Variants in NTAQ1 observed in about 807,000 individuals in gnomAD.
NTAQ1 encodes N-terminal glutamine amidase 1, also known as protein N-terminal glutamine amidohydrolase.
NTAQ1 carries 21 observed loss-of-function variants against 28.2 expected under a neutral mutation model. The observed-to-expected ratio is 0.74, with a 90% CI of 0.53 to 1.07. The LOEUF (loss-of-function observed/expected upper bound fraction) is 1.07, where lower values mean the gene tolerates loss of function less well. Among genes scored for constraint, NTAQ1 ranks in the 50% least tolerant of loss-of-function variants. The pLI, the probability that NTAQ1 is intolerant of heterozygous loss-of-function variation, is 0.00. For synonymous variants in NTAQ1, 105 were observed against 90.0 expected, an observed-to-expected ratio of 1.17 and a Z score of -0.94; for missense variants, 264 against 256.6, an observed-to-expected ratio of 1.03 and a Z score of -0.20.
intron 1 of NTAQ1, among the ~76,000 whole-genome samples, chr8:123,420,590 CT>C (rs71310676): frequency 0.049 from 4,995 of 101,924 alleles, 197 homozygotes; most frequent in African/African-American, 0.17. Context: ...TATTTTTTGC[CT>C]TTTTTTTTTT....
At chr8:123,450,893 A>C (rs58673439), downstream of NTAQ1, among the ~76,000 whole-genome samples, 7,530 of 152,132 alleles carry the variant, frequency 0.049, 609 homozygotes, top group African/African-American at 0.17. Context: ...AAACCAGACT[A>C]TCTCATTCCC....
At chr8:123,422,042 C>T (rs1813731797) in intron 1 of NTAQ1, among the ~76,000 whole-genome samples, 2 of 152,030 alleles carry the variant, frequency 1.3e-5, no homozygotes, top group African/African-American at 4.8e-5. Context: ...TCTTGAACTC[C>T]TGACCTCAAG....
intron 6 of NTAQ1, among the ~76,000 whole-genome samples, chr8:123,447,535 CA>C (rs1815335979): frequency 1.3e-5 from 2 of 152,018 alleles, no homozygotes; most frequent in African/African-American, 4.8e-5. Context: ...CCCTATTTTA[CA>C]GATGAGGAAA....
intron 5 of NTAQ1, chr8:123,438,126 G>A: frequency 1.4e-6 from 1 of 700,758 alleles, no homozygotes; most frequent in Non-Finnish European, 2.6e-6. Flanking sequence ...TCATTTATGT[G>A]CTTTTAGGCA....
chr8:123,456,650 A>G (rs1178084190), intron 6 of NTAQ1, among the ~76,000 whole-genome samples: 1 of 152,200 alleles, frequency 6.6e-6, no homozygotes, highest in African/African-American at 2.4e-5. Flanking sequence ...AGAGATAGTT[A>G]TGCTTTATAT....
Position 123,441,605 on chromosome 8 carries a change from A to T in NTAQ1, c.*190A>T. 1 of 606,542 alleles carries T rather than the reference A, an allele frequency of 1.6e-6. No individual in the cohort carries two copies. The highest frequency in any genetic ancestry group is 2.9e-6 in the Non-Finnish European group (1 of 343,574). 37.6% of individuals were successfully genotyped at this position (606,542 alleles called of 1,614,324 possible). ...ATAAAAACTTTTGTTTTGACATGTC[A>T]AATTGAAACTTGATAAAGTGCGTAC... On this transcript the variant is annotated 3_prime_UTR_variant, in exon 6 of 6. Transcript: ENST00000287387.
At chr8:123,419,738 C>CT (rs1813550465) in intron 1 of NTAQ1, among the ~76,000 whole-genome samples, 1 of 60,154 alleles carries the variant, frequency 1.7e-5, no homozygotes, top group Non-Finnish European at 3.4e-5. Flanking sequence ...CCACAGCCCT[C>CT]CCTCCCTCCC....
At chr8:123,422,918 G>T (rs936733891) in intron 1 of NTAQ1, among the ~76,000 whole-genome samples, 4 of 152,102 alleles carry the variant, frequency 2.6e-5, no homozygotes, top group Admixed American at 2.6e-4. Context: ...CCCATTGCTT[G>T]TTATTGGACT....
intron 1 of NTAQ1, among the ~76,000 whole-genome samples, chr8:123,427,247 C>CTTTTTTTTT (rs33920843): frequency 1.1e-4 from 9 of 81,598 alleles, no homozygotes; most frequent in East Asian, 8.8e-4. Context: ...ATGGTCAAAG[C>CTTTTTTTTT]TTTTTTTTTT....
chr8:123,427,546 G>A (rs1001011142), intron 1 of NTAQ1, among the ~76,000 whole-genome samples: 12 of 152,146 alleles, frequency 7.9e-5, no homozygotes, highest in African/African-American at 2.9e-4. Context: ...GGGATTACTG[G>A]CCTGAGCCAC....
chr8:123,440,322 G>A (rs971543870), intron 5 of NTAQ1, among the ~76,000 whole-genome samples: 1 of 151,036 alleles, frequency 6.6e-6, no homozygotes, highest in African/African-American at 2.4e-5. Flanking sequence ...CACCTGGCTA[G>A]TTTTTGTATT....
At chr8:123,468,745 A>C (rs1816010192) in exon 7 of NTAQ1, among the ~76,000 whole-genome samples, 1 of 152,208 alleles carries the variant, frequency 6.6e-6, no homozygotes, top group African/African-American at 2.4e-5. Flanking sequence ...CTGGTCATAT[A>C]GTTGCTGGTA....
chr8:123,438,342 A>G lies in NTAQ1; in HGVS notation c.508+1008A>G, dbSNP rs1291147764. ...TGTGAGCTCTGCAGCATGTCAGAAAAATAGGGCAGTAGTGTTAGTACTTCA... is the reference window on the plus strand; with the variant it reads ...TGTGAGCTCTGCAGCATGTCAGAAAGATAGGGCAGTAGTGTTAGTACTTCA... On this transcript the variant is annotated intron_variant, in intron 5 of 5. Transcript: ENST00000287387. 5 of 590,186 alleles carry G rather than the reference A, an allele frequency of 8.5e-6. No homozygotes were observed. In the Admixed American group the frequency reaches 1.4e-4, roughly 16 times the overall value. 36.6% of individuals were successfully genotyped at this position (590,186 alleles called of 1,614,324 possible).
At chr8:123,448,896 A>G (rs1373489995), downstream of NTAQ1, among the ~76,000 whole-genome samples, 11 of 152,196 alleles carry the variant, frequency 7.2e-5, 1 homozygote. Context: ...AGAGAAAAAC[A>G]TGAACAGGTC....
At chr8:123,449,957 A>G (rs1188970159), downstream of NTAQ1, among the ~76,000 whole-genome samples, 11 of 45,384 alleles carry the variant, frequency 2.4e-4, 4 homozygotes, top group African/African-American at 8.6e-4. Flanking sequence ...GTGCATATAT[A>G]TATATATATA....
intron 1 of NTAQ1, among the ~76,000 whole-genome samples, chr8:123,424,220 G>T (rs1408057996): frequency 2.0e-5 from 3 of 150,652 alleles, no homozygotes; most frequent in Non-Finnish European, 4.4e-5. Flanking sequence ...TTACAGGTTT[G>T]TGCCACCACG....
intron 1 of NTAQ1, among the ~76,000 whole-genome samples, chr8:123,423,475 TA>T (rs760984206): frequency 2.0e-5 from 3 of 151,498 alleles, no homozygotes; most frequent in Non-Finnish European, 4.4e-5. Flanking sequence ...AGGGTCTTGC[TA>T]CATTGCCTAG....
exon 7 of NTAQ1, among the ~76,000 whole-genome samples, chr8:123,468,851 TTA>T (rs1297384173): frequency 1.3e-5 from 2 of 152,202 alleles, no homozygotes; most frequent in Non-Finnish European, 2.9e-5. Context: ...TTTAATTTCT[TTA>T]TGTCTTTACC....
chr8:123,424,222 G>A (rs987357668), intron 1 of NTAQ1, among the ~76,000 whole-genome samples: 6 of 150,822 alleles, frequency 4.0e-5, no homozygotes, highest in Non-Finnish European at 7.4e-5. Context: ...ACAGGTTTGT[G>A]CCACCACGCC....
Sources: gnomAD v4.1 joint callset for allele counts (sites outside exome capture counted in the v4.1 genomes callset) on GRCh38, gnomAD v4.1.1 for gene constraint, MANE v1.5 for transcripts, NCBI Gene and HGNC (gene_info 2026-07-23, HGNC 2026-07-21) for gene names.